RC3H2: variants seen among roughly 807,000 people sequenced by gnomAD.
RC3H2 encodes ring finger and CCCH-type domains 2, also known as roquin-2.
RC3H2 carries 31 observed loss-of-function variants against 133.3 expected under a neutral mutation model. That is an observed-to-expected ratio of 0.23 (90% CI 0.17 to 0.31). The LOEUF is 0.31. Among genes scored for constraint, RC3H2 ranks in the 10% least tolerant of loss-of-function variants. RC3H2 has a pLI of 1.00. For synonymous variants in RC3H2, 517 were observed against 502.2 expected (o/e 1.03, Z -0.40); for missense variants, 1,175 against 1,437.2 (o/e 0.82, Z 2.95).
At chr9:122,896,925 C>T (rs1407470582) in intron 2 of RC3H2, among the ~76,000 whole-genome samples, 1 of 147,258 alleles carries the variant, frequency 6.8e-6, no homozygotes, top group Non-Finnish European at 1.5e-5. Context: ...ACTTGGGAGG[C>T]TGAAGCAGGA....
rs749543551 is a variant in RC3H2, at chr9:122,880,108, T to C, written c.978A>G (p.Ser326=). The part of the protein sequence containing the change: ...SIIDKLQSPE[S]FAKSVQELTI... ...TCAATTCCTGGACACTCTTTGCAAATGACTCTGGAGACTGTAGCTAACAAA... is the reference window on the plus strand; with the variant it reads ...TCAATTCCTGGACACTCTTTGCAAACGACTCTGGAGACTGTAGCTAACAAA... The change falls in exon 7 of 21, where the codon TCA becomes TCG. Residue 326 remains serine (S), a synonymous_variant. Transcript: ENST00000357244. 3.7e-6 allele frequency: 6 copies of C among 1,614,110 alleles called. No homozygotes were observed. The African/African-American group carries it at 5.3e-5, about 14-fold the overall frequency.
chr9:122,860,566 A>G (rs980969196), intron 10 of RC3H2, among the ~76,000 whole-genome samples: 20 of 151,906 alleles, frequency 1.3e-4, no homozygotes, highest in African/African-American at 4.6e-4. Flanking sequence ...AGTGCATGCC[A>G]CCACACTCGG....
rs1366292596 is a variant in RC3H2 at position 122,845,700 on chromosome 9, A to C, written c.*3927T>G. The C allele has an allele frequency of 6.6e-6, 1 of 152,156 alleles. No individual in the cohort carries two copies. Among genetic ancestry groups the C allele is most frequent in the Non-Finnish European group, 1.5e-5 (1 of 68,006 alleles). The allele number at this position is 152,156 out of a possible 1,614,324, so 9.4% of individuals were successfully genotyped here. ...ATACAAGGAAGACGCTAGTATAAAG[A>C]CATTACTAGCAAACTTCTTCAATTT... On this transcript the variant is annotated 3_prime_UTR_variant, in exon 21 of 21. Coordinates refer to ENST00000357244, the MANE Select transcript of RC3H2 (RefSeq NM_001100588.3).
intron 1 of RC3H2, among the ~76,000 whole-genome samples, chr9:122,901,824 C>T (rs1035049336): frequency 3.3e-5 from 5 of 151,778 alleles, no homozygotes; most frequent in Non-Finnish European, 5.9e-5. Context: ...CTCCTGACCT[C>T]GTGATCTGCC....
At chr9:122,853,379 A>T (rs1234311351) in intron 18 of RC3H2, among the ~76,000 whole-genome samples, 41 of 83,588 alleles carry the variant, frequency 4.9e-4, no homozygotes, top group Middle Eastern at 4.7e-3. Context: ...AATGATCAAT[A>T]AAAAAAAAAA....
intron 11 of RC3H2, 137 bp downstream of exon 11, chr9:122,859,780 G>C: frequency 1.4e-6 from 1 of 718,950 alleles, no homozygotes; most frequent in Non-Finnish European, 2.3e-6. Context: ...ACAGATCCTT[G>C]GGGAAGGAAA....
intron 4 of RC3H2, among the ~76,000 whole-genome samples, chr9:122,884,248 G>A (rs1588098727): frequency 6.6e-6 from 1 of 151,440 alleles, no homozygotes; most frequent in South Asian, 2.1e-4. Flanking sequence ...AGCCGAGATC[G>A]TGCCACCACA....
chr9:122,866,669 G>A (rs1830688413), intron 9 of RC3H2, among the ~76,000 whole-genome samples: 1 of 152,150 alleles, frequency 6.6e-6, no homozygotes, highest in Admixed American at 6.5e-5. Flanking sequence ...GGCCTCCGGA[G>A]GTGCCGGGAT....
chr9:122,851,519 T>C (rs1443624744), intron 18 of RC3H2, 83 bp from the exon 19 acceptor site: 9 of 1,525,414 alleles, frequency 5.9e-6, no homozygotes, highest in Non-Finnish European at 7.0e-6. Context: ...CCTCTCCCTC[T>C]CTTTCCATGG....
chr9:122,856,422 T>A (rs549436697), intron 13 of RC3H2, among the ~76,000 whole-genome samples: 51 of 152,284 alleles, frequency 3.3e-4, no homozygotes, highest in African/African-American at 1.2e-3. Context: ...CCAGACAATC[T>A]TTTTGTATTT....
intron 3 of RC3H2, 73 bp from the exon 4 acceptor site, chr9:122,890,618 A>G: frequency 2.6e-6 from 3 of 1,154,532 alleles, no homozygotes; most frequent in Non-Finnish European, 3.7e-6. Context: ...CATTATCTGC[A>G]TTTAACGATT....
intron 1 of RC3H2, among the ~76,000 whole-genome samples, chr9:122,901,727 G>A (rs536855245): frequency 6.6e-6 from 1 of 151,176 alleles, no homozygotes; most frequent in South Asian, 2.1e-4. Flanking sequence ...GAGTAGCTGG[G>A]ATTACAAGTG....
At chr9:122,891,269 C>T (rs1008404901) in intron 3 of RC3H2, among the ~76,000 whole-genome samples, 5 of 152,008 alleles carry the variant, frequency 3.3e-5, no homozygotes, top group African/African-American at 9.7e-5. Context: ...ATGATCTGCC[C>T]GCCTCGGCCT....
chr9:122,850,896 G>C (rs1166578215), intron 20 of RC3H2, among the ~76,000 whole-genome samples, 185 bp downstream of exon 20: 2 of 152,162 alleles, frequency 1.3e-5, no homozygotes, highest in Non-Finnish European at 1.5e-5. Context: ...CAAGTTTCAG[G>C]CTACCAAAAT....
At chr9:122,863,252 C>T (rs1381749292) in intron 10 of RC3H2, among the ~76,000 whole-genome samples, 1 of 152,164 alleles carries the variant, frequency 6.6e-6, no homozygotes, top group Non-Finnish European at 1.5e-5. Context: ...GTACTTCATT[C>T]CTTTTTTATG....
At chr9:122,866,357 C>A (rs1433212373) in intron 9 of RC3H2, among the ~76,000 whole-genome samples, 2 of 10,444 alleles carry the variant, frequency 1.9e-4, no homozygotes, top group Non-Finnish European at 2.8e-4. Flanking sequence ...GAAAATGTCT[C>A]CCTCTCCCCC....
chr9:122,867,468 C>T (rs935896148), intron 9 of RC3H2, among the ~76,000 whole-genome samples: 1 of 148,866 alleles, frequency 6.7e-6, no homozygotes, highest in Non-Finnish European at 1.5e-5. Flanking sequence ...GGGGGGTCAG[C>T]CCCCCGCCCG....
At chr9:122,902,991 C>A (rs1342527304) in intron 1 of RC3H2, among the ~76,000 whole-genome samples, 1 of 151,942 alleles carries the variant, frequency 6.6e-6, no homozygotes, top group Non-Finnish European at 1.5e-5. Context: ...GGTACTAAGT[C>A]TTTGAAATCT....
intron 9 of RC3H2, among the ~76,000 whole-genome samples, chr9:122,871,955 T>G (rs1464519140): frequency 1.3e-5 from 2 of 152,098 alleles, no homozygotes; most frequent in African/African-American, 4.8e-5. Flanking sequence ...TTTTTTTTTT[T>G]GTAGTAGAGA....
Sources: allele counts gnomAD v4.1 joint callset (sites outside exome capture counted in the v4.1 genomes callset), GRCh38; gene constraint gnomAD v4.1.1; transcripts MANE v1.5; gene names NCBI Gene and HGNC (gene_info 2026-07-23, HGNC 2026-07-21).